Variants in EPHA6 observed in about 807,000 individuals in gnomAD.
EPHA6 encodes the protein EPH receptor A6, also known as ephrin type-A receptor 6.
A neutral mutation model predicts 112.0 loss-of-function variants in EPHA6; 50 were observed. That is an observed-to-expected ratio of 0.45 (90% CI 0.36 to 0.56). EPHA6 has a LOEUF of 0.56. Among genes scored for constraint, EPHA6 ranks in the 20% least tolerant of loss-of-function variants. The pLI, the probability that EPHA6 is intolerant of heterozygous loss-of-function variation, is 0.00. For synonymous variants in EPHA6, 529 were observed against 490.7 expected, an observed-to-expected ratio of 1.08 and a Z score of -1.03; for missense variants, 1,280 against 1,417.4, an observed-to-expected ratio of 0.90 and a Z score of 1.56.
At chr3:97,154,916 C>T (rs1233701353) in intron 3 of EPHA6, among the ~76,000 whole-genome samples, 3 of 152,122 alleles carry the variant, frequency 2.0e-5, no homozygotes, top group Non-Finnish European at 4.4e-5. Flanking sequence ...AGACCACATT[C>T]ATCTGAATAT....
chr3:97,626,894 G>T (rs936920016), intron 13 of EPHA6, among the ~76,000 whole-genome samples: 1 of 151,816 alleles, frequency 6.6e-6, no homozygotes, highest in Admixed American at 6.6e-5. Context: ...TCTAAAGTGA[G>T]GCAGTTTTAG....
At chr3:97,369,397 G>C (rs1344631881) in intron 5 of EPHA6, among the ~76,000 whole-genome samples, 1 of 152,138 alleles carries the variant, frequency 6.6e-6, no homozygotes, top group Admixed American at 6.6e-5. Context: ...AAAGTGGGTG[G>C]AGGCAGATGT....
At chr3:97,509,932 A>T (rs1257528406) in intron 10 of EPHA6, among the ~76,000 whole-genome samples, 1 of 152,052 alleles carries the variant, frequency 6.6e-6, no homozygotes, top group East Asian at 1.9e-4. Context: ...TTATTTCATT[A>T]AATTGATCTT....
At chr3:96,897,258 C>T (rs144598107) in intron 2 of EPHA6, among the ~76,000 whole-genome samples, 2 of 151,506 alleles carry the variant, frequency 1.3e-5, no homozygotes, top group African/African-American at 2.4e-5. Context: ...TTTATCAAGG[C>T]TGTTCATGCT....
intron 1 of EPHA6, among the ~76,000 whole-genome samples, chr3:96,832,598 C>T (rs2034156604): frequency 6.6e-6 from 1 of 151,944 alleles, no homozygotes; most frequent in African/African-American, 2.4e-5. Flanking sequence ...TTGCCATTGG[C>T]CTGGTTAAAA....
intron 2 of EPHA6, among the ~76,000 whole-genome samples, chr3:96,982,559 T>A (rs1294202253): frequency 6.6e-6 from 1 of 152,204 alleles, no homozygotes; most frequent in Non-Finnish European, 1.5e-5. Context: ...GTTCTGTAGA[T>A]GTCTATTAGG....
chr3:96,872,908 G>A (rs772721420), intron 2 of EPHA6, among the ~76,000 whole-genome samples: 3 of 151,958 alleles, frequency 2.0e-5, no homozygotes, highest in Non-Finnish European at 2.9e-5. Flanking sequence ...CAATAATTTG[G>A]AGCAATGTCT....
At chr3:97,602,371 C>T (rs2093649973) in intron 12 of EPHA6, among the ~76,000 whole-genome samples, 1 of 151,806 alleles carries the variant, frequency 6.6e-6, no homozygotes. Context: ...ATAAAATATC[C>T]CAGGGAGCAA....
intron 2 of EPHA6, among the ~76,000 whole-genome samples, chr3:96,980,815 G>C (rs2042737038): frequency 6.6e-6 from 1 of 152,102 alleles, no homozygotes; most frequent in South Asian, 2.1e-4. Flanking sequence ...TGAAGCAATT[G>C]TGAATGAGAG....
chr3:97,547,202 A>G (rs982387127), intron 11 of EPHA6, among the ~76,000 whole-genome samples: 4 of 151,800 alleles, frequency 2.6e-5, no homozygotes, highest in Admixed American at 6.6e-5. Context: ...GGTTTTATCT[A>G]CCTTTGGTCT....
intron 5 of EPHA6, among the ~76,000 whole-genome samples, chr3:97,269,393 G>T (rs2079806907): frequency 6.6e-6 from 1 of 151,982 alleles, no homozygotes; most frequent in Non-Finnish European, 1.5e-5. Flanking sequence ...CAATTTCTAT[G>T]GGCTGTTTCT....
intron 14 of EPHA6, among the ~76,000 whole-genome samples, chr3:97,684,316 AG>A (rs2032090416): frequency 6.6e-6 from 1 of 152,188 alleles, no homozygotes; most frequent in African/African-American, 2.4e-5. Context: ...TAAGATTTAA[AG>A]GCCTTTGGAA....
intron 11 of EPHA6, among the ~76,000 whole-genome samples, chr3:97,534,211 C>A (rs2107653758): frequency 6.6e-6 from 1 of 152,142 alleles, no homozygotes; most frequent in South Asian, 2.1e-4. Flanking sequence ...CATTTAGCAC[C>A]CTTTGTGCAT....
At chr3:97,423,898 G>A (rs1346340451) in intron 6 of EPHA6, among the ~76,000 whole-genome samples, 2 of 152,132 alleles carry the variant, frequency 1.3e-5, no homozygotes, top group Non-Finnish European at 2.9e-5. Flanking sequence ...ACAAGTGATG[G>A]GGAAAGGACT....
At chr3:97,129,563 T>A (rs1403248196) in intron 3 of EPHA6, among the ~76,000 whole-genome samples, 2 of 151,936 alleles carry the variant, frequency 1.3e-5, no homozygotes, top group Non-Finnish European at 2.9e-5. Flanking sequence ...AATTCGGTGT[T>A]AATTATATGC....
chr3:97,036,199 C>G (rs2612278), intron 3 of EPHA6, among the ~76,000 whole-genome samples: 65,302 of 151,412 alleles, frequency 0.43, 16,154 homozygotes, highest in African/African-American at 0.69. Context: ...AACAGACTAC[C>G]ATAAAGGGTG....
chr3:97,628,520 T>G (rs1044227655), intron 13 of EPHA6, among the ~76,000 whole-genome samples: 8 of 151,890 alleles, frequency 5.3e-5, no homozygotes, highest in African/African-American at 1.9e-4. Context: ...TCCTGATCTG[T>G]TTTTTCAGGT....
intron 5 of EPHA6, among the ~76,000 whole-genome samples, chr3:97,364,132 T>C (rs998303364): frequency 2.0e-5 from 3 of 152,090 alleles, no homozygotes; most frequent in African/African-American, 4.8e-5. Flanking sequence ...CTGAAGTGTA[T>C]GCTTAAAAAT....
At chr3:97,404,532 A>G (rs1577262112) in intron 5 of EPHA6, among the ~76,000 whole-genome samples, 2 of 152,178 alleles carry the variant, frequency 1.3e-5, no homozygotes, top group African/African-American at 4.8e-5. Flanking sequence ...CTTAACACAG[A>G]TTATTTTAAT....
Sources: gnomAD v4.1 joint callset for allele counts (sites outside exome capture counted in the v4.1 genomes callset) on GRCh38, gnomAD v4.1.1 for gene constraint, MANE v1.5 for transcripts, NCBI Gene and HGNC (gene_info 2026-07-23, HGNC 2026-07-21) for gene names.